The following BRSK2 variants were observed in gnomAD, a reference collection of about 807,000 sequenced individuals.
BRSK2 encodes the protein BR serine/threonine kinase 2.
In BRSK2, 19 loss-of-function variants were observed where a neutral mutation model predicts 83.3. That is an observed-to-expected ratio of 0.23 (90% CI 0.16 to 0.33). The LOEUF is 0.33. BRSK2 is among the 10% of genes least tolerant of loss of function. The pLI, the probability that BRSK2 is intolerant of heterozygous loss-of-function variation, is 1.00. For synonymous variants in BRSK2, 519 were observed against 435.4 expected (o/e 1.19, Z -2.39); for missense variants, 798 against 1,042.3 (o/e 0.77, Z 3.23).
chr11:1,457,135 A>G (rs1301061900), intron 18 of BRSK2: 2 of 1,217,966 alleles, frequency 1.6e-6, no homozygotes, highest in South Asian at 1.5e-5. Flanking sequence ...AGGGCCCTCC[A>G]TGCCCACCCA....
chr11:1,448,870 C>T (rs1421952546), intron 12 of BRSK2, among the ~76,000 whole-genome samples: 7 of 152,254 alleles, frequency 4.6e-5, no homozygotes, highest in Non-Finnish European at 1.0e-4. Context: ...GCACTCTCCA[C>T]GGTCCGGGGC....
chr11:1,443,791 T>G (rs149675078), intron 8 of BRSK2, among the ~76,000 whole-genome samples, 156 bp downstream of exon 8: 131 of 150,910 alleles, frequency 8.7e-4, no homozygotes, highest in African/African-American at 3.1e-3. Context: ...GGTGTCGGCT[T>G]GTGTTCAGGT....
intron 3 of BRSK2, among the ~76,000 whole-genome samples, chr11:1,440,124 G>A (rs1360595053): frequency 6.6e-6 from 1 of 152,190 alleles, no homozygotes; most frequent in Admixed American, 6.5e-5. Flanking sequence ...GTTCAGCCTG[G>A]GTGGAGCGGC....
intron 12 of BRSK2, among the ~76,000 whole-genome samples, chr11:1,446,436 A>AGCTGG (rs1852139725): frequency 6.9e-6 from 1 of 144,888 alleles, no homozygotes. Flanking sequence ...GGCAGGGCTG[A>AGCTGG]GCTGGGCTGG....
rs1293136806 is a variant in BRSK2, at chr11:1,438,497, G to A, written c.272+106G>A. The A allele has an allele frequency of 2.5e-5, 25 of 1,013,024 alleles. No homozygotes were observed. The highest frequency in any genetic ancestry group is 1.4e-4 in the South Asian group (10 of 70,606). 62.8% of individuals were successfully genotyped at this position (1,013,024 alleles called of 1,614,324 possible). On this transcript the variant is annotated intron_variant, in intron 3 of 19. Coordinates refer to ENST00000528841, the MANE Select transcript of BRSK2 (RefSeq NM_001256627.2). The surrounding 1 kb of genome is among the most constrained non-coding windows in gnomAD (Gnocchi z 6.4). The stretch of plus-strand genomic sequence containing the variant: ...AGCACAGGGGCTGGAGGCCAGGGGC[G>A]CCTGCTGCATCCCAGCAGCCCTGGC...
In BRSK2 at chr11:1,438,259, G is replaced by T; in HGVS notation, c.187-47G>T. ...AGGCAGTGTCTGTGGGGAGCGATGC[G>T]TGCCCCAGCCCTGTGAGCGTGATGT... On this transcript the variant is annotated intron_variant, in intron 2 of 19. Coordinates refer to ENST00000528841, the MANE Select transcript of BRSK2 (RefSeq NM_001256627.2). This position sits in a 1 kb window ranked among gnomAD's most constrained non-coding sequence, Gnocchi z 6.4. The T allele has an allele frequency of 1.3e-6, 2 of 1,581,724 alleles. No individual in the cohort carries two copies. Among genetic ancestry groups the T allele is most frequent in the Non-Finnish European group, 1.7e-6 (2 of 1,151,908 alleles).
chr11:1,394,990 G>A (rs1845981755), intron 1 of BRSK2, among the ~76,000 whole-genome samples: 2 of 151,902 alleles, frequency 1.3e-5, no homozygotes, highest in Admixed American at 6.6e-5. Flanking sequence ...GATGGGTCCT[G>A]GAGATGGGCC....
intron 1 of BRSK2, among the ~76,000 whole-genome samples, chr11:1,393,560 C>T (rs563635648): frequency 2.6e-5 from 4 of 152,262 alleles, no homozygotes; most frequent in African/African-American, 7.2e-5. Context: ...CCTGCTGTGG[C>T]GTGGGGGAGG....
At position 1,460,806 on chromosome 11, in the gene BRSK2, G is replaced by A. The variant is rs1847406161; in HGVS notation, c.*83G>A. ...CCCGCCCTGCCCCGAGTGGACCCGC[G>A]GCCGCGCCGCCCGTCCGTCCAGACT... On this transcript the variant is annotated 3_prime_UTR_variant, in exon 20 of 20. Coordinates refer to ENST00000528841, the MANE Select transcript of BRSK2 (RefSeq NM_001256627.2). 8 of 1,467,828 alleles carry A rather than the reference G, an allele frequency of 5.5e-6. 1 individual carries two copies. Among genetic ancestry groups the A allele is most frequent in the Admixed American group, 5.5e-5 (2 of 36,244 alleles). The allele number at this position is 1,467,828 out of a possible 1,614,324, so 90.9% of individuals were successfully genotyped here.
At position 1,443,251 on chromosome 11, in the gene BRSK2, G is replaced by C. The variant is rs541908149; in HGVS notation, c.565-84G>C. 274 of 1,523,960 alleles carry C rather than the reference G, an allele frequency of 1.8e-4. 5 individuals carry two copies. The South Asian group carries it at 3.2e-3, about 18-fold the overall frequency. 94.4% of individuals were successfully genotyped at this position (1,523,960 alleles called of 1,614,324 possible). A position where few individuals can be genotyped will look rare whatever the true frequency, so the allele number is the denominator to read the frequency against. On this transcript the variant is annotated intron_variant, in intron 6 of 19. Coordinates refer to ENST00000528841, the MANE Select transcript of BRSK2 (RefSeq NM_001256627.2). The stretch of plus-strand genomic sequence containing the variant: ...AGGTGCTGCTAGGCTGCCTGTCCCC[G>C]GGCCGACTCCCTCTGAGCCCAGGCC...
At chr11:1,433,737 C>T (rs781349642) in intron 1 of BRSK2, among the ~76,000 whole-genome samples, 40 of 152,310 alleles carry the variant, frequency 2.6e-4, no homozygotes, top group Non-Finnish European at 5.0e-4. Context: ...TCCGGCTGAG[C>T]GAATCACAAG....
intron 3 of BRSK2, among the ~76,000 whole-genome samples, chr11:1,439,818 C>T (rs1590552215): frequency 5.9e-5 from 9 of 151,958 alleles, no homozygotes; most frequent in South Asian, 4.2e-4. Flanking sequence ...GGCTTCACAC[C>T]CTCCCCTGCC....
chr11:1,444,914 A>C (rs907881744), intron 8 of BRSK2, 57 bp from the exon 9 acceptor site: 76 of 1,548,554 alleles, frequency 4.9e-5, no homozygotes, highest in Non-Finnish European at 6.2e-6. Flanking sequence ...TCACCTCCTA[A>C]TGTGGGCTCT....
chr11:1,460,449 T>C, intron 19 of BRSK2, 51 bp from the exon 20 acceptor site: 6 of 1,172,954 alleles, frequency 5.1e-6, no homozygotes, highest in South Asian at 1.8e-5. Context: ...TCCCCCTTTT[T>C]TTTCTTTTTT....
At position 1,460,631 on chromosome 11, in the gene BRSK2, GCTGGCC is replaced by G. The variant is rs1215295504; in HGVS notation, c.2127_2132del (p.Pro711_Gly712del). On this transcript the variant is annotated inframe_deletion, in exon 20 of 20. Transcript: ENST00000528841. ...CGGCCCACTCGGTGACTCCGCGGCC[GCTGGCC>G]CTGGCCCCGGAGGGGACGCCGAGTA... 3 of 1,529,512 alleles carry G rather than the reference GCTGGCC, an allele frequency of 2.0e-6. No homozygotes were observed. The highest frequency in any genetic ancestry group is 2.6e-6 in the Non-Finnish European group (3 of 1,143,252). The allele number at this position is 1,529,512 out of a possible 1,614,324, so 94.7% of individuals were successfully genotyped here.
Position 1,456,846 on chromosome 11 carries a change from G to A in BRSK2, c.1939+159G>A, listed in dbSNP as rs1170055989. 1.4e-5 allele frequency: 19 copies of A among 1,383,566 alleles called. No individual in the cohort carries two copies. The Admixed American group carries it at 2.6e-4, about 19-fold the overall frequency. The allele number at this position is 1,383,566 out of a possible 1,614,324, so 85.7% of individuals were successfully genotyped here. A position where few individuals can be genotyped will look rare whatever the true frequency, so the allele number is the denominator to read the frequency against. ...CCCCGAGCTGTGGCTGCACCCCTCA[G>A]GGAGCAGAGCCCCTCCCTGGCCTGG... On this transcript the variant is annotated intron_variant, in intron 18 of 19. Coordinates refer to ENST00000528841, the MANE Select transcript of BRSK2 (RefSeq NM_001256627.2).
chr11:1,452,622 C>G (rs750246005), intron 15 of BRSK2, among the ~76,000 whole-genome samples: 1 of 150,330 alleles, frequency 6.7e-6, no homozygotes, highest in African/African-American at 2.4e-5. Flanking sequence ...CCCAAGGGCC[C>G]GGCACAGACA....
intron 3 of BRSK2, among the ~76,000 whole-genome samples, chr11:1,439,990 C>A (rs1850974897): frequency 6.6e-6 from 1 of 152,212 alleles, no homozygotes; most frequent in Non-Finnish European, 1.5e-5. Flanking sequence ...GACAGCCAGT[C>A]ATCCCAGTCC....
At chr11:1,434,787 TG>T (rs1259108579) in intron 1 of BRSK2, among the ~76,000 whole-genome samples, 2 of 152,056 alleles carry the variant, frequency 1.3e-5, no homozygotes, top group African/African-American at 2.4e-5. Flanking sequence ...GATCCCCCCA[TG>T]GTTCCAACAT....
Sources: allele counts gnomAD v4.1 joint callset (sites outside exome capture counted in the v4.1 genomes callset), GRCh38; gene constraint gnomAD v4.1.1; non-coding constraint Gnocchi (gnomAD v3.1); transcripts MANE v1.5; gene names NCBI Gene and HGNC (gene_info 2026-07-23, HGNC 2026-07-21).